The following SVOPL variants were observed in gnomAD, a reference collection of about 807,000 sequenced individuals.
SVOPL encodes the protein SVOP like, also known as putative transporter SVOPL.
A neutral mutation model predicts 61.0 loss-of-function variants in SVOPL; 60 were observed. The observed-to-expected ratio is 0.98, with a 90% CI of 0.80 to 1.22. The LOEUF is 1.22. Among genes scored for constraint, SVOPL ranks in the 50% most tolerant of loss-of-function variants. The pLI is 0.00. For synonymous variants in SVOPL, 279 were observed against 250.0 expected, an observed-to-expected ratio of 1.12 and a Z score of -1.09; for missense variants, 662 against 643.9, an observed-to-expected ratio of 1.03 and a Z score of -0.30.
At chr7:138,680,570 T>TG (rs1802677977) in intron 1 of SVOPL, among the ~76,000 whole-genome samples, 1 of 146,206 alleles carries the variant, frequency 6.8e-6, no homozygotes, top group African/African-American at 2.6e-5. Context: ...CACACAGACT[T>TG]TTGTGTGTGT....
At chr7:138,647,374 G>A (rs1481102091) in intron 8 of SVOPL, among the ~76,000 whole-genome samples, 1 of 150,586 alleles carries the variant, frequency 6.6e-6, no homozygotes, top group Non-Finnish European at 1.5e-5. Context: ...AGAGTGAAAC[G>A]CCATCTCAAA....
intron 3 of SVOPL, among the ~76,000 whole-genome samples, chr7:138,674,585 G>A (rs557517140): frequency 7.9e-5 from 12 of 152,014 alleles, no homozygotes; most frequent in East Asian, 3.9e-4. Flanking sequence ...GGCTGGGTGC[G>A]GTGGCTCACA....
At chr7:138,600,347 T>C (rs944913572) in intron 14 of SVOPL, among the ~76,000 whole-genome samples, 1 of 152,186 alleles carries the variant, frequency 6.6e-6, no homozygotes, top group Non-Finnish European at 1.5e-5. Context: ...TCTGTAACTG[T>C]AGAGCTTTGG....
intron 1 of SVOPL, among the ~76,000 whole-genome samples, chr7:138,687,228 CTTTTTTTT>C (rs71179722): frequency 2.6e-5 from 2 of 77,024 alleles, no homozygotes; most frequent in South Asian, 5.2e-4. Context: ...CTTTTTTCCT[CTTTTTTTT>C]TTTTTTTTTT....
At chr7:138,630,718 G>C (rs922027058) in intron 9 of SVOPL, among the ~76,000 whole-genome samples, 2 of 152,078 alleles carry the variant, frequency 1.3e-5, no homozygotes, top group South Asian at 4.1e-4. Context: ...CGAGGTGGGC[G>C]GATCACCTGA....
intron 7 of SVOPL, among the ~76,000 whole-genome samples, chr7:138,655,176 C>G (rs1039310032): frequency 1.3e-5 from 2 of 151,096 alleles, no homozygotes; most frequent in African/African-American, 2.4e-5. Context: ...GGTGACAGAG[C>G]AAGACCCTGT....
chr7:138,669,492 G>A (rs1490661358), intron 4 of SVOPL, among the ~76,000 whole-genome samples: 2 of 152,150 alleles, frequency 1.3e-5, no homozygotes, highest in Non-Finnish European at 2.9e-5. Flanking sequence ...AAATTACAAA[G>A]ATCAGCCACC....
intron 14 of SVOPL, among the ~76,000 whole-genome samples, chr7:138,608,900 G>A (rs1211433836): frequency 1.3e-5 from 2 of 152,070 alleles, no homozygotes; most frequent in African/African-American, 4.8e-5. Flanking sequence ...TGCCAAATAC[G>A]GAATATTTGT....
At chr7:138,672,656 T>TTAAAAAAAAAAA (rs35924408) in intron 3 of SVOPL, among the ~76,000 whole-genome samples, 77 of 118,800 alleles carry the variant, frequency 6.5e-4, no homozygotes, top group African/African-American at 1.7e-3. Flanking sequence ...TTTTTGTGTT[T>TTAAAAAAAAAAA]AAAAAAAAAA....
intron 4 of SVOPL, chr7:138,664,183 C>CGGGG: frequency 5.3e-6 from 5 of 938,920 alleles, no homozygotes; most frequent in Non-Finnish European, 6.4e-6. Context: ...GCACCCTACC[C>CGGGG]TGCCCTCCCC....
intron 14 of SVOPL, among the ~76,000 whole-genome samples, chr7:138,597,837 A>G (rs1001203311): frequency 2.0e-5 from 3 of 152,158 alleles, no homozygotes; most frequent in African/African-American, 7.2e-5. Flanking sequence ...ACCAGAATGA[A>G]TCCTAAACTG....
At chr7:138,626,929 A>G (rs998935097) in intron 12 of SVOPL, among the ~76,000 whole-genome samples, 4 of 152,160 alleles carry the variant, frequency 2.6e-5, no homozygotes, top group African/African-American at 9.7e-5. Flanking sequence ...CAAATGATAC[A>G]TATCAGAGCT....
chr7:138,696,803 A>T (rs1584874087), intron 1 of SVOPL, among the ~76,000 whole-genome samples: 2 of 152,292 alleles, frequency 1.3e-5, no homozygotes, highest in South Asian at 4.1e-4. Context: ...TCCTGGGCTC[A>T]GACAATCTTC....
At chr7:138,623,598 T>A (rs928736413) in intron 13 of SVOPL, among the ~76,000 whole-genome samples, 2 of 151,924 alleles carry the variant, frequency 1.3e-5, no homozygotes, top group African/African-American at 4.8e-5. Flanking sequence ...AGACTCTGTC[T>A]CAAAACAAAA....
At chr7:138,617,714 T>TA in intron 14 of SVOPL, among the ~76,000 whole-genome samples, 1 of 152,242 alleles carries the variant, frequency 6.6e-6, no homozygotes, top group East Asian at 1.9e-4. Flanking sequence ...CACATGCCTG[T>TA]AGTCCCAGCT....
At chr7:138,661,881 T>G (rs1802018558) in intron 5 of SVOPL, 1 of 985,416 alleles carries the variant, frequency 1.0e-6, no homozygotes, top group African/African-American at 1.7e-5. Context: ...CTCTGTTTCT[T>G]CCTTTAGGTC....
chr7:138,688,285 T>C lies in SVOPL; in HGVS notation c.-34-9206A>G, dbSNP rs971970059. Among the ~76,000 whole-genome samples the C allele has an allele frequency of 1.6e-3, 243 of 151,984 alleles. 4 individuals carry two copies. Among genetic ancestry groups the C allele is most frequent in the Non-Finnish European group, 2.4e-4 (16 of 67,958 alleles). ...CCGAAAAATTTTGGGGTTTTTTTTT[T>C]TGAGACAGAGTTTCACTCTTGTTGC... On this transcript the variant is annotated intron_variant, in intron 1 of 15. Transcript: ENST00000674285.
rs993105340 is a variant in SVOPL at position 138,645,100 on chromosome 7, A to G, written c.661-255T>C. ...ACTCAGTTTTGCACCAATAGGGCCCAACCTAGTTGTTGACATAATGAAATT... is the reference window on the plus strand; with the variant it reads ...ACTCAGTTTTGCACCAATAGGGCCCGACCTAGTTGTTGACATAATGAAATT... On this transcript the variant is annotated intron_variant, in intron 8 of 15. Coordinates refer to ENST00000674285, the MANE Select transcript of SVOPL (RefSeq NM_001139456.2). Among the ~76,000 whole-genome samples the G allele has an allele frequency of 3.9e-5, 6 of 152,238 alleles. No homozygotes were observed. In the East Asian group the frequency reaches 9.7e-4, roughly 25 times the overall value.
chr7:138,642,176 G>A (rs1450800525), intron 9 of SVOPL, among the ~76,000 whole-genome samples: 3 of 150,084 alleles, frequency 2.0e-5, no homozygotes, highest in Admixed American at 6.7e-5. Context: ...AGACATGAAT[G>A]TAGCTAATTG....
Sources: gnomAD v4.1 joint callset for allele counts (sites outside exome capture counted in the v4.1 genomes callset) on GRCh38, gnomAD v4.1.1 for gene constraint, MANE v1.5 for transcripts, NCBI Gene and HGNC (gene_info 2026-07-23, HGNC 2026-07-21) for gene names.